LTBP2: variants seen among roughly 807,000 people sequenced by gnomAD.
LTBP2 encodes the protein latent transforming growth factor beta binding protein 2.
In LTBP2, 103 loss-of-function variants were observed where a neutral mutation model predicts 210.6. That is an observed-to-expected ratio of 0.49 (90% CI 0.42 to 0.58). The LOEUF (loss-of-function observed/expected upper bound fraction) is 0.58. Among genes scored for constraint, LTBP2 ranks in the 20% least tolerant of loss-of-function variants. The pLI is 0.00. For synonymous variants in LTBP2, 1,007 were observed against 1,015.0 expected (o/e 0.99, Z 0.15); for missense variants, 2,313 against 2,494.5 (o/e 0.93, Z 1.55).
chr14:74,568,682 C>T (rs1218378096), intron 3 of LTBP2, among the ~76,000 whole-genome samples: 1 of 151,952 alleles, frequency 6.6e-6, no homozygotes, highest in Non-Finnish European at 1.5e-5. Context: ...TATTATTATC[C>T]CTTTTCCAGA....
chr14:74,540,888 T>A (rs1476167626), intron 8 of LTBP2, among the ~76,000 whole-genome samples: 36 of 103,536 alleles, frequency 3.5e-4, no homozygotes, highest in East Asian at 1.1e-3. Flanking sequence ...ATATATATAT[T>A]ATATATTAAA....
At chr14:74,516,793 A>ACTGGGGGGGGGGGGGGGGGT in intron 18 of LTBP2, 29 bp downstream of exon 18, 2 of 1,455,886 alleles carry the variant, frequency 1.4e-6, no homozygotes, top group East Asian at 2.6e-5. Context: ...GTGGGGTGGC[A>ACTGGGGGGGGGGGGGGGGGT]GGGCGCTTCC....
At chr14:74,536,522 C>T (rs189637295) in intron 8 of LTBP2, among the ~76,000 whole-genome samples, 1 of 152,254 alleles carries the variant, frequency 6.6e-6, no homozygotes, top group African/African-American at 2.4e-5. Flanking sequence ...GCAATTTAGC[C>T]ACTTTACAAT....
At chr14:74,505,911 G>T (rs1322023607) in intron 28 of LTBP2, 137 bp downstream of exon 28, 6 of 1,232,234 alleles carry the variant, frequency 4.9e-6, no homozygotes, top group Non-Finnish European at 3.5e-6. Context: ...ACCAGGCCCC[G>T]CCTGCACCTC....
intron 3 of LTBP2, among the ~76,000 whole-genome samples, chr14:74,560,830 A>G (rs1011682876): frequency 1.3e-5 from 2 of 152,260 alleles, no homozygotes; most frequent in Admixed American, 6.5e-5. Context: ...ATTAGGTATT[A>G]TAAGTAATCT....
At chr14:74,518,754 A>G (rs2139706389) in intron 17 of LTBP2, among the ~76,000 whole-genome samples, 1 of 152,190 alleles carries the variant, frequency 6.6e-6, no homozygotes, top group Non-Finnish European at 1.5e-5. Flanking sequence ...GGAAATGCAC[A>G]CTCCTAGGCC....
intron 19 of LTBP2, 43 bp downstream of exon 19, chr14:74,511,202 A>T: frequency 6.2e-7 from 1 of 1,612,708 alleles, no homozygotes; most frequent in Non-Finnish European, 8.5e-7. Context: ...CAGAGGTCCC[A>T]AGGCCGAATG....
intron 3 of LTBP2, among the ~76,000 whole-genome samples, chr14:74,561,159 A>T (rs2087788613): frequency 6.6e-6 from 1 of 152,126 alleles, no homozygotes; most frequent in Non-Finnish European, 1.5e-5. Context: ...CTCTACTAAA[A>T]ATACAAAAAT....
chr14:74,502,934 T>C lies in LTBP2; in HGVS notation c.4889A>G (p.Glu1630Gly). Reference sequence around the variant, plus strand: ...CACGTTGCACAGCTGAGCATAGACCTCTGTCAGGGAGGAGGGAGAGAAGGA... The same window carrying C: ...CACGTTGCACAGCTGAGCATAGACCCCTGTCAGGGAGGAGGGAGAGAAGGA... ...QCALCPPRSS[E>G]VYAQLCNVAR... Residue 1630 changes from glutamate (E) to glycine (G), a missense_variant and splice_region_variant, in exon 34 of 36, where the codon GAG becomes GGG. Coordinates refer to ENST00000261978, the MANE Select transcript of LTBP2 (RefSeq NM_000428.3). The C allele has an allele frequency of 6.2e-7, 1 of 1,611,298 alleles. No homozygotes were observed. Among genetic ancestry groups the C allele is most frequent in the Non-Finnish European group, 8.5e-7 (1 of 1,179,900 alleles).
intron 16 of LTBP2, among the ~76,000 whole-genome samples, chr14:74,522,292 A>C (rs1595251081): frequency 1.3e-5 from 2 of 152,294 alleles, no homozygotes; most frequent in South Asian, 4.1e-4. Flanking sequence ...TCCTTCCCCC[A>C]GTAGCCTCAT....
Position 74,586,093 on chromosome 14 carries a change from G to T in LTBP2, c.591C>A (p.Asn197Lys). 1.2e-6 allele frequency: 2 copies of T among 1,600,234 alleles called. 1 individual carries two copies. Among genetic ancestry groups the T allele is most frequent in the South Asian group, 2.3e-5 (2 of 88,738 alleles). Residue 197 changes from asparagine (N) to lysine (K), a missense_variant, in exon 3 of 36, where the codon AAC becomes AAA. Transcript: ENST00000261978. The surrounding 1 kb of genome is among the most constrained non-coding windows in gnomAD (Gnocchi z 4.6). ...GCTGCGGGCGGCTGCAGGAGCCCCG[G>T]TTCTGGCACGGCGGCTCGCAAACGG... is the stretch of plus-strand genomic sequence containing the variant. ...IKPVCEPPCQ[N>K]RGSCSRPQLC...
chr14:74,511,488 A>C lies in LTBP2; in HGVS notation c.2909-124T>G. On this transcript the variant is annotated intron_variant, in intron 18 of 35. Coordinates refer to ENST00000261978, the MANE Select transcript of LTBP2 (RefSeq NM_000428.3). ...GAGGGATGGACAGAGGGAAACTAGG[A>C]AAGAATGAGAGCTGCCCTGTGTTCC... is the stretch of plus-strand genomic sequence containing the variant. The C allele has an allele frequency of 3.3e-6, 4 of 1,229,948 alleles. No individual in the cohort carries two copies. In the Admixed American group the frequency reaches 7.0e-5, roughly 22 times the overall value. The allele number at this position is 1,229,948 out of a possible 1,614,324, so 76.2% of individuals were successfully genotyped here. A position where few individuals can be genotyped will look rare whatever the true frequency, so the allele number is the denominator to read the frequency against.
intron 8 of LTBP2, among the ~76,000 whole-genome samples, chr14:74,539,396 A>G (rs530619797): frequency 1.2e-4 from 19 of 152,128 alleles, no homozygotes; most frequent in African/African-American, 4.3e-4. Flanking sequence ...AAAGGTATCA[A>G]CTCTCTAGAT....
chr14:74,565,239 G>A (rs1028629225), intron 3 of LTBP2, among the ~76,000 whole-genome samples: 2 of 152,198 alleles, frequency 1.3e-5, no homozygotes, highest in Non-Finnish European at 2.9e-5. Context: ...GTGGACAAAG[G>A]GACTAGTACC....
At chr14:74,598,199 T>C (rs1171049881) in intron 2 of LTBP2, among the ~76,000 whole-genome samples, 1 of 152,188 alleles carries the variant, frequency 6.6e-6, no homozygotes, top group African/African-American at 2.4e-5. Context: ...CACTTTGGGA[T>C]GTGGTTGTCA....
chr14:74,528,588 C>T lies in LTBP2; in HGVS notation c.2263G>A (p.Glu755Lys), dbSNP rs777092299. ...GCCCCGCTGCTCCTCTGCCCTTGCT[C>T]CCTTGGGGGCCTTGCCAGTTCCTCC... ...EEEELARPPREQGQRSSGALP... is the reference protein window; with the variant it reads ...EEEELARPPRKQGQRSSGALP... The change falls in exon 12 of 36, where the codon GAG (glutamate) becomes AAG (lysine). Residue 755 changes from glutamate to lysine, a missense_variant. Glu to Lys is a moderately conservative substitution (Grantham distance 56). Transcript: ENST00000261978. 3 of 1,613,546 alleles carry T rather than the reference C, an allele frequency of 1.9e-6. No individual in the cohort carries two copies. The highest frequency in any genetic ancestry group is 2.5e-6 in the Non-Finnish European group (3 of 1,180,056).
intron 15 of LTBP2, among the ~76,000 whole-genome samples, chr14:74,523,356 G>A (rs562755179): frequency 5.3e-5 from 8 of 152,238 alleles, no homozygotes; most frequent in African/African-American, 1.4e-4. Context: ...AATGGGAGGG[G>A]TGGACTGGGG....
At chr14:74,594,506 G>A (rs960178644) in intron 2 of LTBP2, among the ~76,000 whole-genome samples, 1 of 152,152 alleles carries the variant, frequency 6.6e-6, no homozygotes, top group Non-Finnish European at 1.5e-5. Flanking sequence ...CCTATCCACT[G>A]AGCCACCCGA....
At chr14:74,519,135 T>G (rs1341564685) in intron 17 of LTBP2, among the ~76,000 whole-genome samples, 1 of 152,164 alleles carries the variant, frequency 6.6e-6, no homozygotes, top group Non-Finnish European at 1.5e-5. Context: ...TCTTTATGAC[T>G]TCAGGATATG....
Sources: gnomAD v4.1 joint callset for allele counts (sites outside exome capture counted in the v4.1 genomes callset) on GRCh38, gnomAD v4.1.1 for gene constraint, Gnocchi (gnomAD v3.1) non-coding constraint, MANE v1.5 for transcripts, NCBI Gene and HGNC (gene_info 2026-07-23, HGNC 2026-07-21) for gene names.